Variants in SNUPN observed in about 807,000 individuals in gnomAD.
SNUPN encodes snurportin 1.
SNUPN carries 31 observed loss-of-function variants against 39.2 expected under a neutral mutation model. The ratio of observed to expected loss-of-function variants is 0.79; its 90% CI spans 0.59 to 1.07. The LOEUF is 1.07. Among genes scored for constraint, SNUPN ranks in the 50% least tolerant of loss-of-function variants. The pLI is 0.00. For synonymous variants in SNUPN, 132 were observed against 159.0 expected, an observed-to-expected ratio of 0.83 and a Z score of 1.28; for missense variants, 382 against 434.2, an observed-to-expected ratio of 0.88 and a Z score of 1.07.
chr15:75,601,315 C>T (rs532760806), intron 7 of SNUPN, 97 bp from the exon 8 acceptor site: 1 of 833,684 alleles, frequency 1.2e-6, no homozygotes, highest in African/African-American at 1.7e-5. Context: ...TGGCTCACAC[C>T]TGTAATCCCA....
At chr15:75,607,395 C>A in intron 5 of SNUPN, 82 bp from the exon 6 acceptor site, 1 of 895,538 alleles carries the variant, frequency 1.1e-6, no homozygotes, top group South Asian at 1.3e-5. Flanking sequence ...AGCCCCATCC[C>A]AGAGGCTTGA....
upstream of SNUPN, chr15:75,626,226 A>G (rs973753171): frequency 6.6e-6 from 1 of 152,248 alleles, no homozygotes; most frequent in Non-Finnish European, 1.5e-5. Context: ...CCTTAACAAA[A>G]GCAGATACAT....
chr15:75,602,968 C>T (rs185103760), intron 7 of SNUPN, among the ~76,000 whole-genome samples: 2 of 152,144 alleles, frequency 1.3e-5, no homozygotes, highest in Admixed American at 6.6e-5. Context: ...CAGGCTGCTC[C>T]GAACTACTGA....
chr15:75,609,850 A>G (rs373970845), intron 4 of SNUPN, 40 bp downstream of exon 4: 35 of 1,489,288 alleles, frequency 2.4e-5, no homozygotes, highest in Admixed American at 5.1e-5. Context: ...CTCCCACTAC[A>G]GACCAGGCCT....
chr15:75,624,885 G>C (rs1303582938), intron 1 of SNUPN: 1 of 277,428 alleles, frequency 3.6e-6, no homozygotes. Context: ...CGATTCTCCT[G>C]CCTCAGCCTC....
intron 3 of SNUPN, among the ~76,000 whole-genome samples, chr15:75,610,499 C>T (rs1271492118): frequency 1.3e-5 from 2 of 152,026 alleles, no homozygotes; most frequent in Non-Finnish European, 2.9e-5. Flanking sequence ...GCACAGCTGA[C>T]AGGATGATGG....
intron 8 of SNUPN, 96 bp downstream of exon 8, chr15:75,601,042 C>T (rs2075281436): frequency 1.1e-6 from 1 of 935,826 alleles, no homozygotes; most frequent in East Asian, 2.5e-5. Context: ...GATGCTTTGA[C>T]ACAGCACAAT....
chr15:75,624,929 C>G, intron 1 of SNUPN: 1 of 222,566 alleles, frequency 4.5e-6, no homozygotes, highest in Non-Finnish European at 9.6e-6. Context: ...CGCGCCACAA[C>G]GCCCGGCTAA....
Position 75,598,314 on chromosome 15 carries a change from G to C in SNUPN, c.*44C>G, listed in dbSNP as rs765494793. 2.5e-5 allele frequency: 37 copies of C among 1,503,260 alleles called. No homozygotes were observed. The East Asian group carries it at 7.9e-4, about 32-fold the overall frequency. 93.1% of individuals were successfully genotyped at this position (1,503,260 alleles called of 1,614,324 possible). ...TGTCCTCCTCTCCAGGATTCCTTTT[G>C]GGGCCAGGTACCATCCTGTGGCTCC... On this transcript the variant is annotated 3_prime_UTR_variant, in exon 9 of 9. Coordinates refer to ENST00000308588, the MANE Select transcript of SNUPN (RefSeq NM_005701.4).
chr15:75,607,450 C>T (rs1052009019), intron 5 of SNUPN, 137 bp from the exon 6 acceptor site: 8 of 652,504 alleles, frequency 1.2e-5, no homozygotes, highest in Non-Finnish European at 2.2e-5. Flanking sequence ...GCACTAAGGA[C>T]TAAGGATTCA....
At chr15:75,617,787 G>T (rs1054520819) in intron 2 of SNUPN, among the ~76,000 whole-genome samples, 4 of 152,042 alleles carry the variant, frequency 2.6e-5, no homozygotes, top group Admixed American at 2.6e-4. Flanking sequence ...TCACCATGTT[G>T]CCCAGGCTGG....
chr15:75,623,448 CTTT>C (rs36102472), intron 1 of SNUPN, among the ~76,000 whole-genome samples: 6 of 140,818 alleles, frequency 4.3e-5, no homozygotes, highest in Non-Finnish European at 4.6e-5. Flanking sequence ...CACGCCCGGC[CTTT>C]TTTTTTTTTT....
intron 3 of SNUPN, among the ~76,000 whole-genome samples, chr15:75,616,335 G>A (rs1892934279): frequency 6.6e-6 from 1 of 151,954 alleles, no homozygotes; most frequent in Non-Finnish European, 1.5e-5. Flanking sequence ...GCAGGCATCT[G>A]TAATCCCAGC....
intron 6 of SNUPN, among the ~76,000 whole-genome samples, chr15:75,605,958 A>AAC (rs2141364934): frequency 6.6e-6 from 1 of 152,314 alleles, no homozygotes; most frequent in Non-Finnish European, 1.5e-5. Flanking sequence ...CAGCCTGGCC[A>AAC]ACATGGTGAA....
At chr15:75,610,090 A>T in intron 3 of SNUPN, 96 bp from the exon 4 acceptor site, 1 of 941,238 alleles carries the variant, frequency 1.1e-6, no homozygotes, top group Non-Finnish European at 1.7e-6. Context: ...TATATTAAAA[A>T]CCTGAGTGAA....
chr15:75,624,849 T>G, intron 1 of SNUPN: 1 of 490,512 alleles, frequency 2.0e-6, no homozygotes, highest in Non-Finnish European at 3.3e-6. Flanking sequence ...CTCGGCTCAC[T>G]GCAACCTCCA....
chr15:75,616,694 GACCCAT>G (rs1892947252), intron 3 of SNUPN, among the ~76,000 whole-genome samples: 1 of 152,058 alleles, frequency 6.6e-6, no homozygotes, highest in African/African-American at 2.4e-5. Context: ...TCCCAACTTG[GACCCAT>G]ACCCTGCTTT....
Position 75,598,591 on chromosome 15 carries a change from C to G in SNUPN, c.850G>C (p.Asp284His). 6.2e-7 allele frequency: 1 copy of G among 1,614,232 alleles called. No homozygotes were observed. Among genetic ancestry groups the G allele is most frequent in the South Asian group, 1.1e-5 (1 of 91,090 alleles). ...VGWLRPYMVS[D>H]VLGVAVPAGP... ...GCCGGCACAGCTACACCAAGGACATCTGACACCATGTAGGGGCGCAGCCAG... is the reference window on the plus strand; with the variant it reads ...GCCGGCACAGCTACACCAAGGACATGTGACACCATGTAGGGGCGCAGCCAG... The change falls in exon 9 of 9, where the codon GAT (aspartate) becomes CAT (histidine). Residue 284 changes from aspartate (D) to histidine (H), a missense_variant. Asp to His is a moderately conservative substitution (Grantham distance 81). Coordinates refer to ENST00000308588, the MANE Select transcript of SNUPN (RefSeq NM_005701.4).
intron 6 of SNUPN, among the ~76,000 whole-genome samples, chr15:75,606,936 G>A (rs986576177): frequency 6.6e-6 from 1 of 152,168 alleles, no homozygotes; most frequent in Non-Finnish European, 1.5e-5. Context: ...AGATAAGGGG[G>A]TGGGTGCAGC....
Sources: allele counts gnomAD v4.1 joint callset (sites outside exome capture counted in the v4.1 genomes callset), GRCh38; gene constraint gnomAD v4.1.1; transcripts MANE v1.5; gene names NCBI Gene and HGNC (gene_info 2026-07-23, HGNC 2026-07-21).